STAC: variants seen among roughly 807,000 people sequenced by gnomAD.
STAC encodes the protein SH3 and cysteine-rich domain-containing protein.
Under a neutral mutation model 48.8 loss-of-function variants are expected in STAC, and 43 were observed. The observed-to-expected ratio is 0.88, with a 90% CI of 0.69 to 1.14. STAC has a LOEUF of 1.14. Ranked by LOEUF, STAC falls within the 50% of genes most tolerant of loss-of-function variation. STAC has a pLI of 0.00. For missense variants in STAC, 497 were observed against 504.0 expected (o/e 0.99, Z 0.13); for synonymous variants, 193 against 179.5 (o/e 1.07, Z -0.60).
intron 2 of STAC, among the ~76,000 whole-genome samples, chr3:36,455,416 T>C (rs763553001): frequency 2.0e-5 from 3 of 152,228 alleles, no homozygotes; most frequent in Non-Finnish European, 4.4e-5. Context: ...GTGATATTGC[T>C]GATTCCTGCC....
intron 2 of STAC, among the ~76,000 whole-genome samples, chr3:36,468,227 A>C (rs780950720): frequency 6.6e-6 from 1 of 152,078 alleles, no homozygotes; most frequent in African/African-American, 2.4e-5. Flanking sequence ...TACTTGATAT[A>C]GTTTTAATTT....
chr3:36,434,976 C>T (rs73063902), intron 1 of STAC, among the ~76,000 whole-genome samples: 1 of 152,144 alleles, frequency 6.6e-6, no homozygotes, highest in Non-Finnish European at 1.5e-5. Context: ...GGGTGGGATA[C>T]CTTATGAAAG....
At chr3:36,457,161 T>C (rs745567490) in intron 2 of STAC, among the ~76,000 whole-genome samples, 1 of 152,144 alleles carries the variant, frequency 6.6e-6, no homozygotes, top group Non-Finnish European at 1.5e-5. Flanking sequence ...TCATCAACAG[T>C]GCCACAGGTG....
intron 2 of STAC, among the ~76,000 whole-genome samples, chr3:36,458,823 G>A (rs544510250): frequency 3.3e-4 from 51 of 152,298 alleles, no homozygotes; most frequent in African/African-American, 1.2e-3. Flanking sequence ...CATTTCCTAG[G>A]CTGCTGATCT....
chr3:36,529,003 A>C lies in STAC; in HGVS notation c.1110+18A>C. ...AGAATCAGGTGAGTAAACCACACAA[A>C]CACATTCCAGATATGAGCCAAATAG... On this transcript the variant is annotated intron_variant, in intron 10 of 10. Coordinates refer to ENST00000273183, the MANE Select transcript of STAC (RefSeq NM_003149.3). 6.3e-7 allele frequency: 1 copy of C among 1,585,852 alleles called. No homozygotes were observed. Among genetic ancestry groups the C allele is most frequent in the Non-Finnish European group, 8.6e-7 (1 of 1,163,852 alleles).
At chr3:36,487,448 T>C (rs528285919) in intron 5 of STAC, among the ~76,000 whole-genome samples, 2 of 152,332 alleles carry the variant, frequency 1.3e-5, no homozygotes, top group South Asian at 4.2e-4. Context: ...TTTACTCTTT[T>C]TCCTTACTGT....
At chr3:36,393,433 T>C (rs1699793164) in intron 1 of STAC, among the ~76,000 whole-genome samples, 1 of 152,044 alleles carries the variant, frequency 6.6e-6, no homozygotes, top group Non-Finnish European at 1.5e-5. Flanking sequence ...AACATTATTT[T>C]AGGCAGTGAT....
At chr3:36,437,703 C>T in intron 1 of STAC, among the ~76,000 whole-genome samples, 1 of 150,412 alleles carries the variant, frequency 6.6e-6, no homozygotes, top group East Asian at 2.0e-4. Flanking sequence ...GGTTCAGCAC[C>T]CCAGCATGGC....
chr3:36,417,513 A>T (rs1486137770), intron 1 of STAC, among the ~76,000 whole-genome samples: 1 of 152,246 alleles, frequency 6.6e-6, no homozygotes, highest in Non-Finnish European at 1.5e-5. Context: ...CAGAGTTCTC[A>T]GAACAATGTA....
At chr3:36,440,065 C>T (rs981066814) in intron 1 of STAC, among the ~76,000 whole-genome samples, 1 of 152,232 alleles carries the variant, frequency 6.6e-6, no homozygotes, top group Non-Finnish European at 1.5e-5. Context: ...TACAGCGTCT[C>T]TGGCTAGCCT....
chr3:36,496,710 C>T (rs1698161172), intron 6 of STAC, among the ~76,000 whole-genome samples: 1 of 152,192 alleles, frequency 6.6e-6, no homozygotes, highest in Non-Finnish European at 1.5e-5. Context: ...TTGGTCTTCA[C>T]CTTTGGCTTA....
chr3:36,451,282 T>A (rs562481094), intron 2 of STAC, among the ~76,000 whole-genome samples: 1 of 152,352 alleles, frequency 6.6e-6, no homozygotes, highest in Admixed American at 6.5e-5. Flanking sequence ...CTCAAATTAT[T>A]AAAAAGTAAA....
chr3:36,459,176 T>A (rs1218335951), intron 2 of STAC: 1 of 152,214 alleles, frequency 6.6e-6, no homozygotes, highest in Non-Finnish European at 1.5e-5. Context: ...GTTTCTTGCA[T>A]ACATATTCAT....
chr3:36,407,036 C>T (rs1439266811), intron 1 of STAC, among the ~76,000 whole-genome samples: 2 of 152,138 alleles, frequency 1.3e-5, no homozygotes, highest in African/African-American at 4.8e-5. Flanking sequence ...CAAAATGAGA[C>T]CTATTACTTC....
At chr3:36,409,444 C>T (rs530681707) in intron 1 of STAC, 1 of 152,304 alleles carries the variant, frequency 6.6e-6, no homozygotes, top group South Asian at 2.1e-4. Context: ...AATGCATTCT[C>T]AGTGAGGTTT....
intron 2 of STAC, among the ~76,000 whole-genome samples, chr3:36,465,772 G>A (rs1176751268): frequency 6.6e-6 from 1 of 152,076 alleles, no homozygotes; most frequent in Admixed American, 6.6e-5. Flanking sequence ...ATCCAGCATG[G>A]GAGAAAGAGG....
At chr3:36,495,434 A>G (rs1698123756) in intron 6 of STAC, among the ~76,000 whole-genome samples, 2 of 152,206 alleles carry the variant, frequency 1.3e-5, no homozygotes, top group South Asian at 4.1e-4. Context: ...GTCTCTGCTC[A>G]GTAAATAGGA....
chr3:36,492,351 A>G (rs1468123711), intron 5 of STAC, among the ~76,000 whole-genome samples: 2 of 152,082 alleles, frequency 1.3e-5, no homozygotes, highest in Non-Finnish European at 2.9e-5. Context: ...AATGCTTAAG[A>G]GCACGAGCTC....
intron 2 of STAC, among the ~76,000 whole-genome samples, chr3:36,453,856 A>G (rs1277475371): frequency 6.6e-6 from 1 of 152,208 alleles, no homozygotes; most frequent in Non-Finnish European, 1.5e-5. Context: ...CAAGGTTTGT[A>G]AACACACCAA....
Sources: allele counts gnomAD v4.1 joint callset (sites outside exome capture counted in the v4.1 genomes callset), GRCh38; gene constraint gnomAD v4.1.1; transcripts MANE v1.5; gene names NCBI Gene and HGNC (gene_info 2026-07-23, HGNC 2026-07-21).